Variants in CNTN2 observed in about 807,000 individuals in gnomAD.
CNTN2 encodes contactin-2.
A neutral mutation model predicts 117.5 loss-of-function variants in CNTN2; 53 were observed. That is an observed-to-expected ratio of 0.45 (90% CI 0.36 to 0.57). The LOEUF (loss-of-function observed/expected upper bound fraction) is 0.57. Among genes scored for constraint, CNTN2 ranks in the 20% least tolerant of loss-of-function variants. CNTN2 has a pLI of 0.00. For missense variants in CNTN2, 1,106 were observed against 1,404.3 expected, an observed-to-expected ratio of 0.79 and a Z score of 3.39; for synonymous variants, 530 against 561.7, an observed-to-expected ratio of 0.94 and a Z score of 0.80.
intron 1 of CNTN2, among the ~76,000 whole-genome samples, chr1:205,052,401 T>C (rs2096454441): frequency 6.6e-6 from 1 of 152,174 alleles, no homozygotes; most frequent in South Asian, 2.1e-4. Flanking sequence ...TCTCCAGAGC[T>C]CAATGATTGA....
At position 205,061,621 on chromosome 1, in the gene CNTN2, G is replaced by A; in HGVS notation, c.973+201G>A. On this transcript the variant is annotated intron_variant, in intron 8 of 22. Transcript: ENST00000331830. This position sits in a 1 kb window ranked among gnomAD's most constrained non-coding sequence, Gnocchi z 4.8. ...CCTCAGAGCTTCAGTCAGGGGTGCA[G>A]AAAGCACACAGGAGGCTCCAGAATG... The A allele has an allele frequency of 1.3e-6, 1 of 771,870 alleles. No homozygotes were observed. The highest frequency in any genetic ancestry group is 2.0e-6 in the Non-Finnish European group (1 of 504,336). The allele number at this position is 771,870 out of a possible 1,614,324, so 47.8% of individuals were successfully genotyped here.
rs564595294 is a variant in CNTN2 at position 205,059,723 on chromosome 1, G to A, written c.797+41G>A. On this transcript the variant is annotated intron_variant, in intron 7 of 22. Transcript: ENST00000331830. This position sits in a 1 kb window ranked among gnomAD's most constrained non-coding sequence, Gnocchi z 5.6. Reference sequence around the variant, plus strand: ...GAGGGGAAGCAGAGCACGGTCTCTCGGGGGCACAGGTGACCCCAGGGTGAG... The same window carrying A: ...GAGGGGAAGCAGAGCACGGTCTCTCAGGGGCACAGGTGACCCCAGGGTGAG... 1.2e-4 allele frequency: 191 copies of A among 1,562,896 alleles called. 2 individuals carry two copies. Among genetic ancestry groups the A allele is most frequent in the South Asian group, 5.4e-4 (49 of 90,100 alleles).
intron 21 of CNTN2, 116 bp from the exon 22 acceptor site, chr1:205,072,952 G>A: frequency 9.0e-7 from 1 of 1,111,784 alleles, no homozygotes; most frequent in Non-Finnish European, 1.3e-6. Context: ...GGGGTGAGGA[G>A]GCTGGACCTC....
intron 17 of CNTN2, 129 bp downstream of exon 17, chr1:205,069,690 C>T (rs1393898342): frequency 2.7e-5 from 37 of 1,391,294 alleles, no homozygotes; most frequent in Non-Finnish European, 3.2e-5. Context: ...TCCACGCACC[C>T]GCTGCCCCTT....
At chr1:205,055,282 G>A (rs1460727164) in intron 2 of CNTN2, among the ~76,000 whole-genome samples, 1 of 152,158 alleles carries the variant, frequency 6.6e-6, no homozygotes, top group Non-Finnish European at 1.5e-5. Context: ...TCAAAGTGCT[G>A]GGATTACAGG....
In CNTN2 at chr1:205,061,112, C is replaced by A; in HGVS notation, c.798-133C>A. The A allele has an allele frequency of 4.1e-6, 4 of 985,334 alleles. No homozygotes were observed. Among genetic ancestry groups the A allele is most frequent in the Non-Finnish European group, 2.9e-6 (2 of 684,926 alleles). The allele number at this position is 985,334 out of a possible 1,614,324, so 61.0% of individuals were successfully genotyped here. On this transcript the variant is annotated intron_variant, in intron 7 of 22. Coordinates refer to ENST00000331830, the MANE Select transcript of CNTN2 (RefSeq NM_005076.5). This position sits in a 1 kb window ranked among gnomAD's most constrained non-coding sequence, Gnocchi z 4.8. The stretch of plus-strand genomic sequence containing the variant: ...AGGAGAGTGAGGATCAGCCAGAAGG[C>A]ACCCTCTCTCCCTCTGTTCCTCCCA...
chr1:205,064,189 G>A, intron 10 of CNTN2, 133 bp from the exon 11 acceptor site: 1 of 964,218 alleles, frequency 1.0e-6, no homozygotes. Flanking sequence ...AGAAAAAAGG[G>A]CTTGGTTCTG....
intron 1 of CNTN2, among the ~76,000 whole-genome samples, chr1:205,049,622 T>C (rs955400189): frequency 6.6e-6 from 1 of 152,102 alleles, no homozygotes; most frequent in Non-Finnish European, 1.5e-5. Context: ...GCACATTCAG[T>C]ACAAGTGCCT....
rs1284319046 is a variant in CNTN2 at position 205,064,431 on chromosome 1, G to A, written c.1350G>A (p.Val450=). ...CCCGGGCAGCTCCAAAGGCCGTGGT[G>A]CTCTGGAGCAAAGGCACGGAGATTT... ...CQPRAAPKAV[V]LWSKGTEILV... The change falls in exon 11 of 23, where the codon GTG becomes GTA. Residue 450 remains valine (V), a synonymous_variant. Coordinates refer to ENST00000331830, the MANE Select transcript of CNTN2 (RefSeq NM_005076.5). The A allele has an allele frequency of 6.2e-7, 1 of 1,612,238 alleles. No individual in the cohort carries two copies. Among genetic ancestry groups the A allele is most frequent in the Non-Finnish European group, 8.5e-7 (1 of 1,178,576 alleles).
At chr1:205,069,771 A>G (rs1654488666) in intron 17 of CNTN2, 56 bp from the exon 18 acceptor site, 5 of 1,564,006 alleles carry the variant, frequency 3.2e-6, no homozygotes, top group Non-Finnish European at 4.4e-6. Flanking sequence ...GGGGCCAGGG[A>G]ACGGGCAGGG....
chr1:205,067,369 A>T, intron 16 of CNTN2, 119 bp downstream of exon 16: 2 of 1,273,116 alleles, frequency 1.6e-6, no homozygotes, highest in Non-Finnish European at 2.2e-6. Flanking sequence ...CAGGGTTCAG[A>T]CTCTCACAAA....
At chr1:205,063,656 A>G (rs1172741056) in intron 10 of CNTN2, 1 of 134,960 alleles carries the variant, frequency 7.4e-6, no homozygotes, top group Non-Finnish European at 1.6e-5. Flanking sequence ...GAAGAAAGAA[A>G]AGAAAAGAAA....
intron 16 of CNTN2, chr1:205,067,545 A>C: frequency 3.5e-6 from 1 of 285,730 alleles, no homozygotes. Flanking sequence ...CGGAGAAAGG[A>C]AGAGTCACAT....
intron 1 of CNTN2, among the ~76,000 whole-genome samples, chr1:205,046,013 C>T (rs562450088): frequency 1.3e-5 from 2 of 152,312 alleles, no homozygotes; most frequent in South Asian, 2.1e-4. Context: ...TTCATCCCCT[C>T]ATGCATGCTG....
chr1:205,072,886 G>C, intron 21 of CNTN2, 182 bp from the exon 22 acceptor site: 1 of 683,682 alleles, frequency 1.5e-6, no homozygotes, highest in South Asian at 1.9e-5. Context: ...TACGGAAACA[G>C]TTCAGTGGCC....
In CNTN2 at chr1:205,044,092, T is replaced by TC. The variant is rs1014815561; in HGVS notation, c.-87+705dup. Reference sequence around the variant, plus strand: ...CAACCTTAGCTTCTCCTCAAATCCCTCCCCCCCATCCTCACTGGTGGGAGG... The same window carrying TC: ...CAACCTTAGCTTCTCCTCAAATCCCTCCCCCCCCATCCTCACTGGTGGGAGG... On this transcript the variant is annotated intron_variant, in intron 1 of 22. Transcript: ENST00000331830. Among the ~76,000 whole-genome samples, 36 of 150,276 alleles carry TC rather than the reference T, an allele frequency of 2.4e-4. No individual in the cohort carries two copies. In the South Asian group the frequency reaches 3.8e-3, roughly 16 times the overall value.
At position 205,059,989 on chromosome 1, in the gene CNTN2, G is replaced by A; in HGVS notation, c.797+307G>A. ...AGCACAGTGTACAGACTCCAACCCT[G>A]TCTGTCTCATTCAGATCCCAGCTCT... On this transcript the variant is annotated intron_variant, in intron 7 of 22. Transcript: ENST00000331830. The surrounding 1 kb of genome is among the most constrained non-coding windows in gnomAD (Gnocchi z 5.6). 2.7e-6 allele frequency: 1 copy of A among 365,482 alleles called. No individual in the cohort carries two copies. The highest frequency in any genetic ancestry group is 5.1e-6 in the Non-Finnish European group (1 of 197,258). The allele number at this position is 365,482 out of a possible 1,614,324, so 22.6% of individuals were successfully genotyped here. A position where few individuals can be genotyped will look rare whatever the true frequency, so the allele number is the denominator to read the frequency against.
At chr1:205,051,412 AC>A (rs1413988102) in intron 1 of CNTN2, among the ~76,000 whole-genome samples, 1 of 152,212 alleles carries the variant, frequency 6.6e-6, no homozygotes, top group African/African-American at 2.4e-5. Flanking sequence ...GAAGGGCATT[AC>A]AGGAGAGTGA....
intron 15 of CNTN2, 119 bp downstream of exon 15, chr1:205,066,718 G>C: frequency 1.7e-6 from 2 of 1,196,504 alleles, no homozygotes; most frequent in Non-Finnish European, 2.3e-6. Flanking sequence ...GAGCTTCAAA[G>C]AGGGACAAGA....
Sources: allele counts gnomAD v4.1 joint callset (sites outside exome capture counted in the v4.1 genomes callset), GRCh38; gene constraint gnomAD v4.1.1; non-coding constraint Gnocchi (gnomAD v3.1); transcripts MANE v1.5; gene names NCBI Gene and HGNC (gene_info 2026-07-23, HGNC 2026-07-21).